CORO7: variants seen among roughly 807,000 people sequenced by gnomAD.
The protein encoded by CORO7 is coronin-7.
In CORO7, 107 loss-of-function variants were observed where a neutral mutation model predicts 126.6. That is an observed-to-expected ratio of 0.85 (90% CI 0.72 to 0.99). CORO7 has a LOEUF of 0.99. Ranked by LOEUF, CORO7 falls within the 50% of genes least tolerant of loss-of-function variation. The probability of loss-of-function intolerance (pLI) is 0.00; values close to 1 mark genes in which losing one functional copy is unlikely to be tolerated. For missense variants in CORO7, 1,314 were observed against 1,255.8 expected, an observed-to-expected ratio of 1.05 and a Z score of -0.70; for synonymous variants, 603 against 536.8, an observed-to-expected ratio of 1.12 and a Z score of -1.70.
intron 26 of CORO7, 42 bp from the exon 27 acceptor site, chr16:4,355,414 C>T: frequency 6.4e-7 from 1 of 1,563,214 alleles, no homozygotes; most frequent in South Asian, 1.1e-5. Flanking sequence ...GGGAATAGGA[C>T]TCCCTGTTCC....
chr16:4,388,382 C>CA (rs1370937940), intron 8 of CORO7, among the ~76,000 whole-genome samples, 163 bp downstream of exon 8: 1 of 152,206 alleles, frequency 6.6e-6, no homozygotes, highest in East Asian at 1.9e-4. Context: ...CAGCAGCCGT[C>CA]AGTCCCCTGA....
Position 4,413,308 on chromosome 16 carries a change from C to A in CORO7, c.157G>T (p.Gly53Cys). The A allele has an allele frequency of 6.4e-7, 1 of 1,574,094 alleles. No homozygotes were observed. The highest frequency in any genetic ancestry group is 2.3e-5 in the East Asian group (1 of 43,330). Residue 53 changes from glycine (G) to cysteine (C), a missense_variant and splice_region_variant, in exon 2 of 28, where the codon GGT becomes TGT. Coordinates refer to ENST00000251166, the MANE Select transcript of CORO7 (RefSeq NM_024535.5). ...ATCCACACTCATGGCCATTCCCTAC[C>A]AGGACGGTCGGAGTTGAAGGCGATC... ...SLIAFNSDRP[G>C]VLGIVPLQGQ...
chr16:4,376,937 T>G (rs2141231542), intron 9 of CORO7, among the ~76,000 whole-genome samples: 1 of 152,300 alleles, frequency 6.6e-6, no homozygotes, highest in East Asian at 1.9e-4. Context: ...GGCAGAGTTC[T>G]GCGTTTATGA....
At chr16:4,360,807 T>C (rs2054148763) in intron 19 of CORO7, 136 bp downstream of exon 19, 3 of 1,451,984 alleles carry the variant, frequency 2.1e-6, no homozygotes, top group South Asian at 2.7e-5. Context: ...TCCTCACTGC[T>C]GGCCCCACCC....
At position 4,390,598 on chromosome 16, in the gene CORO7, C is replaced by T. The variant is rs1391066949; in HGVS notation, c.616-1967G>A. Among the ~76,000 whole-genome samples the T allele has an allele frequency of 6.6e-5, 10 of 152,182 alleles. No homozygotes were observed. In the East Asian group the frequency reaches 1.9e-3, roughly 29 times the overall value. On this transcript the variant is annotated intron_variant, in intron 7 of 27. Coordinates refer to ENST00000251166, the MANE Select transcript of CORO7 (RefSeq NM_024535.5). Reference sequence around the variant, plus strand: ...CAGGTGGGGACGAGGGAGGCGGAGGCTGGGCCAAGCCTGCAGGGTCCCCCA... The same window carrying T: ...CAGGTGGGGACGAGGGAGGCGGAGGTTGGGCCAAGCCTGCAGGGTCCCCCA...
intron 10 of CORO7, among the ~76,000 whole-genome samples, chr16:4,365,262 G>A (rs2054312281): frequency 1.3e-5 from 2 of 152,192 alleles, no homozygotes; most frequent in Admixed American, 1.3e-4. Flanking sequence ...CACATGGGGT[G>A]AGCACCGGGG....
chr16:4,362,479 G>T lies in CORO7; in HGVS notation c.1402+133C>A. On this transcript the variant is annotated intron_variant, in intron 15 of 27. Transcript: ENST00000251166. The surrounding 1 kb of genome is among the most constrained non-coding windows in gnomAD (Gnocchi z 5.3). ...CCCAGCCCCCAGGACAAATGACCCT[G>T]CCAGTGAGTCTGGGTGAGGGGGGTG... is the stretch of plus-strand genomic sequence containing the variant. The T allele has an allele frequency of 7.0e-7, 1 of 1,425,470 alleles. No homozygotes were observed. Among genetic ancestry groups the T allele is most frequent in the Non-Finnish European group, 9.2e-7 (1 of 1,086,460 alleles). 88.3% of individuals were successfully genotyped at this position (1,425,470 alleles called of 1,614,324 possible). A position where few individuals can be genotyped will look rare whatever the true frequency, so the allele number is the denominator to read the frequency against.
At chr16:4,384,147 C>T (rs981246916) in intron 9 of CORO7, among the ~76,000 whole-genome samples, 1 of 152,174 alleles carries the variant, frequency 6.6e-6, no homozygotes, top group Admixed American at 6.5e-5. Context: ...AGAAAGGGGC[C>T]GAGCCCCAGT....
intron 21 of CORO7, 107 bp from the exon 22 acceptor site, chr16:4,359,728 G>A: frequency 7.1e-7 from 1 of 1,399,574 alleles, no homozygotes; most frequent in South Asian, 1.4e-5. Context: ...TGTAGGCGAG[G>A]CCTAGTGTGG....
At chr16:4,380,585 C>G (rs1843481379) in intron 9 of CORO7, among the ~76,000 whole-genome samples, 1 of 152,232 alleles carries the variant, frequency 6.6e-6, no homozygotes, top group African/African-American at 2.4e-5. Flanking sequence ...TAGGCAGAGG[C>G]AGGAGGGCCT....
At chr16:4,377,674 T>C (rs990692807) in intron 9 of CORO7, among the ~76,000 whole-genome samples, 1 of 152,058 alleles carries the variant, frequency 6.6e-6, no homozygotes, top group Non-Finnish European at 1.5e-5. Context: ...GGCTGATGGG[T>C]TCTCAGTGCC....
At chr16:4,405,395 C>T in intron 6 of CORO7, 96 bp downstream of exon 6, 1 of 1,386,396 alleles carries the variant, frequency 7.2e-7, no homozygotes, top group East Asian at 2.5e-5. Flanking sequence ...TGCTCCACTG[C>T]CTCCTAAACA....
intron 3 of CORO7, among the ~76,000 whole-genome samples, chr16:4,410,617 C>T (rs1567305500): frequency 6.6e-6 from 1 of 152,246 alleles, no homozygotes; most frequent in African/African-American, 2.4e-5. Context: ...CTGCCACACA[C>T]ATGTATCTCT....
chr16:4,358,041 A>C lies in CORO7; in HGVS notation c.2520T>G (p.Ser840Arg), dbSNP rs1425666330. 1 of 1,613,470 alleles carries C rather than the reference A, an allele frequency of 6.2e-7. No individual in the cohort carries two copies. Among genetic ancestry groups the C allele is most frequent in the Non-Finnish European group, 8.5e-7 (1 of 1,179,754 alleles). Residue 840 changes from serine (S) to arginine (R), a missense_variant, in exon 25 of 28, where the codon AGT becomes AGG. Physicochemically the swap from Ser to Arg is moderately radical, Grantham distance 110. Transcript: ENST00000251166. ...DTAVIWEPVL[S>R]AEAWLQGANG... ...TAGCGCCTTGCAGCCAGGCCTCGGC[A>C]CTGAGCACAGGCTCCCAGATCACAG...
chr16:4,365,420 C>T lies in CORO7; in HGVS notation c.840+71G>A, dbSNP rs185118605. ...CAGAGGCCCTGTTCGAGTTCCTCCTCTCTCTTGGGGAAGGCCAGGGGCTGG... is the reference window on the plus strand; with the variant it reads ...CAGAGGCCCTGTTCGAGTTCCTCCTTTCTCTTGGGGAAGGCCAGGGGCTGG... On this transcript the variant is annotated intron_variant, in intron 10 of 27. Transcript: ENST00000251166. 637 of 1,544,066 alleles carry T rather than the reference C, an allele frequency of 4.1e-4. 1 individual carries two copies. The highest frequency in any genetic ancestry group is 8.4e-4 in the Middle Eastern group (5 of 5,944).
intron 9 of CORO7, among the ~76,000 whole-genome samples, chr16:4,376,725 A>T (rs1224350743): frequency 6.6e-6 from 1 of 152,088 alleles, no homozygotes; most frequent in Non-Finnish European, 1.5e-5. Flanking sequence ...CTCCTTACTC[A>T]TAGGGCCCCT....
chr16:4,361,002 G>A lies in CORO7; in HGVS notation c.1858C>T (p.Arg620Cys), dbSNP rs766836793. ...LASSSYDLTV[R>C]IWDLQAGADR... is the part of the protein sequence containing the mutation. ...GCTCCAGCCTGAAGGTCCCAGATGC[G>A]AACAGTGAGGTCATAGGAGGACGAG... Residue 620 changes from arginine (R) to cysteine (C), a missense_variant, in exon 19 of 28, where the codon CGC becomes TGC. By Grantham distance (180) the Arg-to-Cys change is radical. Transcript: ENST00000251166. 1.9e-6 allele frequency: 3 copies of A among 1,613,156 alleles called. No homozygotes were observed. Among genetic ancestry groups the A allele is most frequent in the Non-Finnish European group, 2.5e-6 (3 of 1,180,012 alleles).
intron 9 of CORO7, chr16:4,383,179 C>T (rs2141252113): frequency 2.4e-6 from 1 of 411,788 alleles, no homozygotes; most frequent in Non-Finnish European, 4.4e-6. Flanking sequence ...GCACGGCGGG[C>T]CCTGCCATGT....
Position 4,362,602 on chromosome 16 carries a change from G to A in CORO7, c.1402+10C>T, listed in dbSNP as rs769969667. 4 of 1,550,734 alleles carry A rather than the reference G, an allele frequency of 2.6e-6. No individual in the cohort carries two copies. Among genetic ancestry groups the A allele is most frequent in the African/African-American group, 1.4e-5 (1 of 71,606 alleles). On this transcript the variant is annotated intron_variant, in intron 15 of 27. Transcript: ENST00000251166. The surrounding 1 kb of genome is among the most constrained non-coding windows in gnomAD (Gnocchi z 5.3). ...GCGGTAGGGGTGAGCTCCCCGTCCTGCCTCCTTACCCAGCAGGCTCTGCAG... is the reference window on the plus strand; with the variant it reads ...GCGGTAGGGGTGAGCTCCCCGTCCTACCTCCTTACCCAGCAGGCTCTGCAG...
Sources: gnomAD v4.1 joint callset for allele counts (sites outside exome capture counted in the v4.1 genomes callset) on GRCh38, gnomAD v4.1.1 for gene constraint, Gnocchi (gnomAD v3.1) non-coding constraint, MANE v1.5 for transcripts, NCBI Gene and HGNC (gene_info 2026-07-23, HGNC 2026-07-21) for gene names.